Variants in RASA1 observed in about 807,000 individuals in gnomAD.
RASA1 encodes ras GTPase-activating protein 1.
A neutral mutation model predicts 132.2 loss-of-function variants in RASA1; 25 were observed. The ratio of observed to expected loss-of-function variants is 0.19; its 90% CI spans 0.14 to 0.26. The LOEUF (loss-of-function observed/expected upper bound fraction) is 0.26. RASA1 is among the 10% of genes least tolerant of loss of function. The pLI is 1.00. For missense variants in RASA1, 964 were observed against 1,299.2 expected, an observed-to-expected ratio of 0.74 and a Z score of 3.97; for synonymous variants, 477 against 449.9, an observed-to-expected ratio of 1.06 and a Z score of -0.76.
rs2112456602 is a variant in RASA1 at position 87,362,581 on chromosome 5, G to C, written c.1363G>C (p.Asp455His). 1 of 1,596,102 alleles carries C rather than the reference G, an allele frequency of 6.3e-7. No individual in the cohort carries two copies. Among genetic ancestry groups the C allele is most frequent in the East Asian group, 2.2e-5 (1 of 44,648 alleles). ...AGAACAAGTACTCAATGACACAGTGGATGGCAAGGAAATCTATAATACCAT... is the reference window on the plus strand; with the variant it reads ...AGAACAAGTACTCAATGACACAGTGCATGGCAAGGAAATCTATAATACCAT... ...DQEQVLNDTVDGKEIYNTIRR... is the reference protein window; with the variant it reads ...DQEQVLNDTVHGKEIYNTIRR... Residue 455 changes from aspartate to histidine, a missense_variant, in exon 10 of 25, where the codon GAT (aspartate) becomes CAT (histidine). By Grantham distance (81) the Asp-to-His change is moderately conservative. Coordinates refer to ENST00000274376, the MANE Select transcript of RASA1 (RefSeq NM_002890.3).
intron 18 of RASA1, among the ~76,000 whole-genome samples, chr5:87,379,048 AT>A (rs945766638): frequency 1.1e-4 from 16 of 152,202 alleles, no homozygotes; most frequent in Admixed American, 4.6e-4. Context: ...ATATTCTCTC[AT>A]TTTAATGGTA....
chr5:87,357,091 A>G (rs890234827), intron 9 of RASA1, among the ~76,000 whole-genome samples: 2 of 152,044 alleles, frequency 1.3e-5, no homozygotes, highest in African/African-American at 4.8e-5. Context: ...GCTCCTTCCT[A>G]TCACCATGTC....
intron 9 of RASA1, among the ~76,000 whole-genome samples, chr5:87,359,624 G>A (rs1011886512): frequency 6.6e-6 from 1 of 152,112 alleles, no homozygotes; most frequent in Non-Finnish European, 1.5e-5. Flanking sequence ...CTAATACTAA[G>A]TGCCATCACC....
At chr5:87,362,882 GTTTC>G (rs1349043324) in intron 10 of RASA1, among the ~76,000 whole-genome samples, 4 of 150,544 alleles carry the variant, frequency 2.7e-5, no homozygotes, top group African/African-American at 4.9e-5. Context: ...TCTACCCATG[GTTTC>G]TTTTTTTCTT....
intron 16 of RASA1, 82 bp downstream of exon 16, chr5:87,376,647 CAT>C (rs1761346846): frequency 2.0e-6 from 3 of 1,463,676 alleles, no homozygotes; most frequent in East Asian, 2.4e-5. Flanking sequence ...TTAAGGTAAA[CAT>C]AGTAATTCAT....
In RASA1 at chr5:87,374,337, C is replaced by T. The variant is rs538048797; in HGVS notation, c.1934+17C>T. On this transcript the variant is annotated intron_variant, in intron 14 of 24. Coordinates refer to ENST00000274376, the MANE Select transcript of RASA1 (RefSeq NM_002890.3). ...TGTCTTTGAGTAAGTCTTATTTTAT[C>T]ATTACATTAATCATTTTCTTTTACC... is the stretch of plus-strand genomic sequence containing the variant. 2 of 1,590,200 alleles carry T rather than the reference C, an allele frequency of 1.3e-6. No homozygotes were observed. Among genetic ancestry groups the T allele is most frequent in the South Asian group, 1.1e-5 (1 of 90,170 alleles).
At chr5:87,327,377 ACAAGT>A (rs1757305732) in intron 1 of RASA1, among the ~76,000 whole-genome samples, 1 of 152,210 alleles carries the variant, frequency 6.6e-6, no homozygotes, top group Non-Finnish European at 1.5e-5. Context: ...GGAATTTAGT[ACAAGT>A]CATTAATTTT....
At chr5:87,290,184 C>G (rs1026080373) in intron 1 of RASA1, among the ~76,000 whole-genome samples, 1 of 152,044 alleles carries the variant, frequency 6.6e-6, no homozygotes, top group Admixed American at 6.6e-5. Context: ...TGATTTATTT[C>G]AAGGCAATGA....
intron 6 of RASA1, among the ~76,000 whole-genome samples, chr5:87,342,309 A>C (rs1036722053): frequency 1.3e-5 from 2 of 151,912 alleles, no homozygotes; most frequent in African/African-American, 4.8e-5. Context: ...CCGGCGCACA[A>C]CACCATGCTA....
At chr5:87,386,626 T>G (rs2112516582) in intron 22 of RASA1, among the ~76,000 whole-genome samples, 200 bp from the exon 23 acceptor site, 1 of 152,230 alleles carries the variant, frequency 6.6e-6, no homozygotes, top group South Asian at 2.1e-4. Context: ...TTATATGATT[T>G]AATTAATTCT....
chr5:87,333,355 C>G lies in RASA1; in HGVS notation c.899+18C>G. The stretch of plus-strand genomic sequence containing the variant: ...GAAATAAGGTATTTTATAATCTATT[C>G]TCATGTATAGGCATTTGAAAGAGCT... On this transcript the variant is annotated intron_variant, in intron 4 of 24. Transcript: ENST00000274376. 8 of 1,611,536 alleles carry G rather than the reference C, an allele frequency of 5.0e-6. No individual in the cohort carries two copies. The highest frequency in any genetic ancestry group is 6.8e-6 in the Non-Finnish European group (8 of 1,178,720).
At chr5:87,285,992 T>A (rs893567617) in intron 1 of RASA1, among the ~76,000 whole-genome samples, 2 of 151,774 alleles carry the variant, frequency 1.3e-5, no homozygotes, top group African/African-American at 4.8e-5. Context: ...GAAATAGATC[T>A]AACACCTTTC....
chr5:87,296,107 A>G (rs576940251), intron 1 of RASA1, among the ~76,000 whole-genome samples: 1 of 150,996 alleles, frequency 6.6e-6, no homozygotes, highest in African/African-American at 2.4e-5. Flanking sequence ...GTGAGCCACT[A>G]CAACCAGCCT....
intron 1 of RASA1, among the ~76,000 whole-genome samples, chr5:87,270,358 C>T (rs1455312816): frequency 2.0e-5 from 3 of 150,396 alleles, no homozygotes; most frequent in South Asian, 2.1e-4. Flanking sequence ...TTCCTTCCCC[C>T]CACCCCAGAG....
chr5:87,370,171 T>C (rs1389931236), intron 12 of RASA1, among the ~76,000 whole-genome samples: 1 of 152,192 alleles, frequency 6.6e-6, no homozygotes, highest in East Asian at 1.9e-4. Flanking sequence ...AGAATGCTCA[T>C]TTAAAATCCT....
At position 87,338,536 on chromosome 5, in the gene RASA1, A is replaced by ATATATATATT; in HGVS notation, c.1017+446_1017+447insATATATATTT. 3.3e-3 allele frequency among the ~76,000 whole-genome samples: 277 copies of ATATATATATT among 85,146 alleles called. 4 individuals carry two copies. The highest frequency in any genetic ancestry group is 6.7e-3 in the South Asian group (17 of 2,554). The allele number at this position is 85,146 out of a possible 152,430, so 55.9% of individuals were successfully genotyped here. On this transcript the variant is annotated intron_variant, in intron 5 of 24. Transcript: ENST00000274376. ...ATATATATATATATATATATATAAA[A>ATATATATATT]TTTTTTTTTTTTTTAAGTAGAAATG... is the stretch of plus-strand genomic sequence containing the variant.
intron 1 of RASA1, among the ~76,000 whole-genome samples, chr5:87,314,451 G>A (rs1756164066): frequency 6.6e-6 from 1 of 152,180 alleles, no homozygotes; most frequent in African/African-American, 2.4e-5. Context: ...TAATGGGTGG[G>A]AAAGGAAATG....
chr5:87,283,144 T>G (rs11951605), intron 1 of RASA1, among the ~76,000 whole-genome samples: 2,627 of 146,766 alleles, frequency 0.018, 60 homozygotes, highest in African/African-American at 0.049. Context: ...TGTTTTTTTT[T>G]TGTGTTTTTT....
intron 10 of RASA1, 94 bp from the exon 11 acceptor site, chr5:87,363,254 T>C (rs2112459243): frequency 1.7e-6 from 2 of 1,143,932 alleles, no homozygotes; most frequent in South Asian, 1.4e-5. Context: ...GAATAAAAAT[T>C]GATTGATTCA....
Sources: gnomAD v4.1 joint callset for allele counts (sites outside exome capture counted in the v4.1 genomes callset) on GRCh38, gnomAD v4.1.1 for gene constraint, MANE v1.5 for transcripts, NCBI Gene and HGNC (gene_info 2026-07-23, HGNC 2026-07-21) for gene names.